ZNF763: variants seen among roughly 807,000 people sequenced by gnomAD.
The protein encoded by ZNF763 is zinc finger protein 763, also known as DNA-binding protein.
Under a neutral mutation model 38.0 loss-of-function variants are expected in ZNF763, and 33 were observed. The ratio of observed to expected loss-of-function variants is 0.87; its 90% CI spans 0.66 to 1.16. The LOEUF is 1.16. ZNF763 is among the 50% of genes most tolerant of loss of function. The pLI is 0.00. For synonymous variants in ZNF763, 155 were observed against 160.1 expected (o/e 0.97, Z 0.24); for missense variants, 423 against 469.1 (o/e 0.90, Z 0.91).
chr19:11,978,661 A>G lies in ZNF763; in HGVS notation c.737A>G (p.His246Arg). The G allele has an allele frequency of 1.2e-6, 2 of 1,614,146 alleles. No individual in the cohort carries two copies. The highest frequency in any genetic ancestry group is 1.7e-6 in the Non-Finnish European group (2 of 1,179,994). ...AGTTATTCTGCTACCCATCGAATAC[A>G]TGAAAGAACTCACACTGGAGAAAAG... ...SFSYSATHRI[H>R]ERTHTGEKPY... The change falls in exon 4 of 4, where the codon CAT becomes CGT. Residue 246 changes from histidine (H) to arginine (R), a missense_variant. By Grantham distance (29) the His-to-Arg change is conservative. Transcript: ENST00000358987.
rs531453276 is a variant in ZNF763 at position 11,965,228 on chromosome 19, G to C, written c.3+17G>C. ...CAGGAAATGGTGCGTGTGCATAGCC[G>C]GTTGTCCCGAGACGGGGTAGAGGCT... On this transcript the variant is annotated intron_variant, in intron 1 of 3. Transcript: ENST00000358987. 3 of 1,613,972 alleles carry C rather than the reference G, an allele frequency of 1.9e-6. No individual in the cohort carries two copies. The highest frequency in any genetic ancestry group is 2.5e-6 in the Non-Finnish European group (3 of 1,179,900).
At chr19:11,972,329 A>C (rs1270381988) in intron 1 of ZNF763, among the ~76,000 whole-genome samples, 1 of 152,260 alleles carries the variant, frequency 6.6e-6, no homozygotes, top group African/African-American at 2.4e-5. Flanking sequence ...GAAAAAAATG[A>C]GTTTCAATAG....
At chr19:11,972,294 A>G (rs1020967010) in intron 1 of ZNF763, among the ~76,000 whole-genome samples, 1 of 152,012 alleles carries the variant, frequency 6.6e-6, no homozygotes, top group African/African-American at 2.4e-5. Flanking sequence ...CTGTTTCAGA[A>G]AAAAAAAGGG....
At chr19:11,965,584 T>C (rs1269273652) in intron 1 of ZNF763, among the ~76,000 whole-genome samples, 1 of 150,194 alleles carries the variant, frequency 6.7e-6, no homozygotes, top group Non-Finnish European at 1.5e-5. Context: ...GGCCCCCAGT[T>C]CCCACTTTCT....
intron 1 of ZNF763, among the ~76,000 whole-genome samples, chr19:11,970,586 T>A (rs1265783474): frequency 3.2e-4 from 49 of 152,238 alleles, no homozygotes; most frequent in Admixed American, 3.2e-3. Context: ...CTTTTTCTGT[T>A]AAGTGTTCAC....
Position 11,977,172 on chromosome 19 carries a change from T to G in ZNF763, c.130+8T>G. The stretch of plus-strand genomic sequence containing the variant: ...GGAACCTGACCTCTATAGGTAAGGA[T>G]GACAATATTCCTTCCCTCAGTCCAT... On this transcript the variant is annotated splice_region_variant and intron_variant, in intron 2 of 3. Coordinates refer to ENST00000358987, the MANE Select transcript of ZNF763 (RefSeq NM_001367172.2). The G allele has an allele frequency of 6.2e-7, 1 of 1,613,908 alleles. No homozygotes were observed. Among genetic ancestry groups the G allele is most frequent in the Non-Finnish European group, 8.5e-7 (1 of 1,179,932 alleles).
At chr19:11,971,286 G>C (rs1429587876) in intron 1 of ZNF763, among the ~76,000 whole-genome samples, 1 of 152,126 alleles carries the variant, frequency 6.6e-6, no homozygotes, top group Non-Finnish European at 1.5e-5. Context: ...GAGGAAGCTG[G>C]CTGTCCTGTG....
At chr19:11,975,072 A>C (rs1973455243) in intron 1 of ZNF763, among the ~76,000 whole-genome samples, 3 of 151,730 alleles carry the variant, frequency 2.0e-5, no homozygotes, top group Admixed American at 2.0e-4. Flanking sequence ...CTTGCATGTC[A>C]TAGTACGGGC....
At position 11,979,383 on chromosome 19, in the gene ZNF763, T is replaced by G; in HGVS notation, c.*274T>G. The G allele has an allele frequency of 6.2e-7, 1 of 1,610,710 alleles. No homozygotes were observed. The highest frequency in any genetic ancestry group is 8.5e-7 in the Non-Finnish European group (1 of 1,178,678). ...GAGTGTAAGGAATGTGGGAAAGCCT[T>G]CAGATCTGCCTCACACCTTCAAATT... is the stretch of plus-strand genomic sequence containing the variant. On this transcript the variant is annotated 3_prime_UTR_variant, in exon 4 of 4. Transcript: ENST00000358987.
Position 11,977,432 on chromosome 19 carries a change from G to T in ZNF763, c.191+1G>T, listed in dbSNP as rs762331700. The T allele has an allele frequency of 4.3e-6, 7 of 1,613,734 alleles. No homozygotes were observed. The highest frequency in any genetic ancestry group is 2.7e-5 in the African/African-American group (2 of 74,896). On this transcript the variant is annotated splice_donor_variant, in intron 3 of 3. Transcript: ENST00000358987. LOFTEE classifies it high-confidence loss of function. ...ACCAAAACCCCAGGAGAAACTTCAGGTAATTGGCACTTAAAGAGAAAGCAG... is the reference window on the plus strand; with the variant it reads ...ACCAAAACCCCAGGAGAAACTTCAGTTAATTGGCACTTAAAGAGAAAGCAG...
At chr19:11,965,254 G>T (rs1284766830) in intron 1 of ZNF763, 43 bp downstream of exon 1, 8 of 1,613,132 alleles carry the variant, frequency 5.0e-6, no homozygotes, top group East Asian at 2.2e-5. Context: ...GGTAGAGGCT[G>T]CCTGGAACCG....
intron 1 of ZNF763, among the ~76,000 whole-genome samples, chr19:11,968,224 T>C (rs965091675): frequency 6.6e-6 from 1 of 152,054 alleles, no homozygotes; most frequent in Non-Finnish European, 1.5e-5. Context: ...ACATTTTCCA[T>C]AGAAGGCTGA....
intron 3 of ZNF763, among the ~76,000 whole-genome samples, chr19:11,977,777 G>A (rs1973527333): frequency 6.6e-6 from 1 of 152,130 alleles, no homozygotes; most frequent in Non-Finnish European, 1.5e-5. Flanking sequence ...GATCACTCAA[G>A]CCCCCAGGAG....
At chr19:11,971,957 G>C (rs1973360212) in intron 1 of ZNF763, among the ~76,000 whole-genome samples, 1 of 151,888 alleles carries the variant, frequency 6.6e-6, no homozygotes, top group Non-Finnish European at 1.5e-5. Context: ...AGCTACTCAG[G>C]AGGATGAGGC....
chr19:11,974,619 G>A (rs866526404), intron 1 of ZNF763, among the ~76,000 whole-genome samples: 5 of 136,680 alleles, frequency 3.7e-5, no homozygotes, highest in South Asian at 4.9e-4. Flanking sequence ...GGGCGGGGGG[G>A]TGGGGTGTAA....
intron 1 of ZNF763, among the ~76,000 whole-genome samples, chr19:11,970,419 A>G (rs1004958544): frequency 6.6e-6 from 1 of 152,232 alleles, no homozygotes; most frequent in Non-Finnish European, 1.5e-5. Context: ...TTCTTCTGTT[A>G]TAACAACGTT....
intron 1 of ZNF763, among the ~76,000 whole-genome samples, chr19:11,973,736 A>T (rs590962): frequency 0.056 from 8,355 of 148,076 alleles, 726 homozygotes; most frequent in African/African-American, 0.19. Flanking sequence ...TTTTTTTTTT[A>T]AAGACTCACC....
chr19:11,965,863 A>G (rs1973216940), intron 1 of ZNF763, among the ~76,000 whole-genome samples: 1 of 152,182 alleles, frequency 6.6e-6, no homozygotes, highest in Non-Finnish European at 1.5e-5. Flanking sequence ...AGGGAAAATC[A>G]TGAATCAGTG....
chr19:11,965,942 G>A (rs899825298), intron 1 of ZNF763, among the ~76,000 whole-genome samples: 3 of 152,152 alleles, frequency 2.0e-5, no homozygotes, highest in Admixed American at 6.6e-5. Flanking sequence ...AGGCACAGGT[G>A]GTTGAGGGAT....
Sources: allele counts gnomAD v4.1 joint callset (sites outside exome capture counted in the v4.1 genomes callset), GRCh38; gene constraint gnomAD v4.1.1; transcripts MANE v1.5; gene names NCBI Gene and HGNC (gene_info 2026-07-23, HGNC 2026-07-21).